ACIN1: variants seen among roughly 807,000 people sequenced by gnomAD.
ACIN1 encodes the protein apoptotic chromatin condensation inducer in the nucleus.
A neutral mutation model predicts 146.6 loss-of-function variants in ACIN1; 16 were observed. The observed-to-expected ratio is 0.11, with a 90% CI of 0.07 to 0.17. ACIN1 has a LOEUF of 0.17. ACIN1 is among the 10% of genes least tolerant of loss of function. The pLI, the probability that ACIN1 is intolerant of heterozygous loss-of-function variation, is 1.00. For missense variants in ACIN1, 1,357 were observed against 1,609.3 expected, an observed-to-expected ratio of 0.84 and a Z score of 2.68; for synonymous variants, 569 against 582.7, an observed-to-expected ratio of 0.98 and a Z score of 0.34.
In ACIN1 at chr14:23,093,506, G is replaced by A. The variant is rs1471346090; in HGVS notation, c.177C>T (p.Pro59=). The change falls in exon 2 of 19, where the codon CCC becomes CCT. Residue 59 remains proline, a synonymous_variant. Coordinates refer to ENST00000605057, the MANE Select transcript of ACIN1 (RefSeq NM_001386863.1). The stretch of plus-strand genomic sequence containing the variant: ...GGGAATTTGGCTGGAATGCAGCATG[G>A]GGTGTTGAGTGTTTCTGTAAATTTT... ...MLENLQKHST[P]HAAFQPNSQI... is the part of the protein sequence containing the mutation. 6.2e-7 allele frequency: 1 copy of A among 1,613,918 alleles called. No individual in the cohort carries two copies. Among genetic ancestry groups the A allele is most frequent in the Non-Finnish European group, 8.5e-7 (1 of 1,179,980 alleles).
chr14:23,071,577 T>C (rs1344164978), intron 8 of ACIN1: 2 of 1,543,120 alleles, frequency 1.3e-6, no homozygotes, highest in African/African-American at 1.4e-5. Flanking sequence ...CCCAGCAGCC[T>C]GTGTGTGCGG....
Position 23,080,171 on chromosome 14 carries a change from G to C in ACIN1, c.1164C>G (p.Pro388=), listed in dbSNP as rs1885098. Residue 388 remains proline (P), a synonymous_variant, in exon 6 of 19, where the codon CCC becomes CCG. Coordinates refer to ENST00000605057, the MANE Select transcript of ACIN1 (RefSeq NM_001386863.1). ...GAGGAGATAACTGAATGAGGACAGCGGGGGCTGGGCCTTCCATGGGCTCTA... is the reference window on the plus strand; with the variant it reads ...GAGGAGATAACTGAATGAGGACAGCCGGGGCTGGGCCTTCCATGGGCTCTA... The part of the protein sequence containing the change: ...EEIEPMEGPA[P]AVLIQLSPPN... The C allele has an allele frequency of 1.1e-4, 176 of 1,614,050 alleles. No homozygotes were observed. In the African/African-American group the frequency reaches 1.8e-3, roughly 16 times the overall value.
chr14:23,069,206 AT>A, intron 9 of ACIN1: 1 of 1,160,412 alleles, frequency 8.6e-7, no homozygotes, highest in Non-Finnish European at 1.1e-6. Flanking sequence ...ATAAAGGGCC[AT>A]TATCAGACTT....
intron 8 of ACIN1, among the ~76,000 whole-genome samples, chr14:23,072,998 T>A (rs2047703835): frequency 6.6e-6 from 1 of 152,232 alleles, no homozygotes; most frequent in Non-Finnish European, 1.5e-5. Context: ...CTTAAGAGTC[T>A]GGCTTGGAGG....
intron 4 of ACIN1, among the ~76,000 whole-genome samples, chr14:23,083,409 G>C (rs939908075): frequency 6.6e-6 from 1 of 152,154 alleles, no homozygotes; most frequent in South Asian, 2.1e-4. Context: ...GGCTGCACTA[G>C]ATGATTTCCA....
intron 1 of ACIN1, among the ~76,000 whole-genome samples, chr14:23,093,785 A>AT: frequency 6.6e-6 from 1 of 152,228 alleles, no homozygotes; most frequent in Non-Finnish European, 1.5e-5. Context: ...AGGCACACAG[A>AT]ATCAGTGACC....
In ACIN1 at chr14:23,062,171, A is replaced by C; in HGVS notation, c.3096T>G (p.Asp1032Glu). 6.2e-7 allele frequency: 1 copy of C among 1,613,612 alleles called. No individual in the cohort carries two copies. The highest frequency in any genetic ancestry group is 8.5e-7 in the Non-Finnish European group (1 of 1,179,792). The change falls in exon 16 of 19, where the codon GAT (aspartate) becomes GAG (glutamate). Residue 1032 changes from aspartate (D) to glutamate (E), a missense_variant. Physicochemically the swap from Asp to Glu is conservative, Grantham distance 45 (BLOSUM62 2). Around this residue, in one of 4 missense-constraint regions of ACIN1, gnomAD observed 509 missense variants for 719.6 expected, o/e 0.71. Coordinates refer to ENST00000605057, the MANE Select transcript of ACIN1 (RefSeq NM_001386863.1). ...TTCCTCTCCCTAGGTTTCTTACCTC[A>C]TCTTGCTCGGCATAGTCAGCACAAA... ...KFLCADYAEQ[D>E]ELDYHRGLLV...
In ACIN1 at chr14:23,063,933, G is replaced by T. The variant is rs114527130; in HGVS notation, c.2595+172C>A. Among the ~76,000 whole-genome samples the T allele has an allele frequency of 2.8e-3, 434 of 152,312 alleles. 3 individuals are homozygous for T. Among genetic ancestry groups the T allele is most frequent in the African/African-American group, 0.01 (419 of 41,560 alleles). ...GTTGTGTTCCAATCAAACTTTATTT[G>T]TAACAGGTAGCCAGCTGGATTTGGT... On this transcript the variant is annotated intron_variant, in intron 12 of 18. Coordinates refer to ENST00000605057, the MANE Select transcript of ACIN1 (RefSeq NM_001386863.1).
Position 23,068,043 on chromosome 14 carries a change from A to G in ACIN1, c.2265+1433T>C. On this transcript the variant is annotated intron_variant, in intron 9 of 18. Transcript: ENST00000605057. The surrounding 1 kb of genome is among the most constrained non-coding windows in gnomAD (Gnocchi z 4.3). ...TGGAGGAGAAGTTGGAGCAACCAAC[A>G]TGCTGCCCTTCACCATGGACAACAG... is the stretch of plus-strand genomic sequence containing the variant. The G allele has an allele frequency of 1.0e-6, 1 of 985,914 alleles. No homozygotes were observed. Among genetic ancestry groups the G allele is most frequent in the Non-Finnish European group, 1.2e-6 (1 of 829,948 alleles). The allele number at this position is 985,914 out of a possible 1,614,324, so 61.1% of individuals were successfully genotyped here.
At chr14:23,090,219 G>A (rs1248514961) in intron 3 of ACIN1, 118 bp from the exon 4 acceptor site, 2 of 1,380,798 alleles carry the variant, frequency 1.4e-6, no homozygotes, top group African/African-American at 2.9e-5. Flanking sequence ...ATACCAAAAA[G>A]AGCACCGTAT....
chr14:23,060,989 G>T, intron 18 of ACIN1, 95 bp downstream of exon 18: 1 of 1,181,052 alleles, frequency 8.5e-7, no homozygotes, highest in Non-Finnish European at 1.3e-6. Context: ...GGAAGTACTT[G>T]GGCCGACTCA....
chr14:23,067,750 C>T lies in ACIN1; in HGVS notation c.2265+1726G>A, dbSNP rs1166979959. The T allele has an allele frequency of 6.1e-6, 6 of 985,782 alleles. No individual in the cohort carries two copies. Among genetic ancestry groups the T allele is most frequent in the Non-Finnish European group, 7.2e-6 (6 of 830,002 alleles). 61.1% of individuals were successfully genotyped at this position (985,782 alleles called of 1,614,324 possible). A position where few individuals can be genotyped will look rare whatever the true frequency, so the allele number is the denominator to read the frequency against. Reference sequence around the variant, plus strand: ...CCAGTGGCAAGCTGCAGCAATAACACCACCCAATACTTGGAATCCAGGTGA... The same window carrying T: ...CCAGTGGCAAGCTGCAGCAATAACATCACCCAATACTTGGAATCCAGGTGA... On this transcript the variant is annotated intron_variant, in intron 9 of 18. Coordinates refer to ENST00000605057, the MANE Select transcript of ACIN1 (RefSeq NM_001386863.1). This position sits in a 1 kb window ranked among gnomAD's most constrained non-coding sequence, Gnocchi z 4.6.
chr14:23,073,764 T>G (rs925259333), intron 8 of ACIN1, among the ~76,000 whole-genome samples: 1 of 152,174 alleles, frequency 6.6e-6, no homozygotes, highest in Non-Finnish European at 1.5e-5. Context: ...TTATCCACTG[T>G]CCTAAAATAC....
At position 23,059,091 on chromosome 14, in the gene ACIN1, TG is replaced by T; in HGVS notation, c.*56del. On this transcript the variant is annotated 3_prime_UTR_variant, in exon 19 of 19. Coordinates refer to ENST00000605057, the MANE Select transcript of ACIN1 (RefSeq NM_001386863.1). ...GGTGGAGACTGTGCCTATCCCTCTG[TG>T]GCCATAACCCCCTGGGGCCGAGTGG... 1.3e-6 allele frequency: 2 copies of T among 1,546,154 alleles called. No individual in the cohort carries two copies. The highest frequency in any genetic ancestry group is 1.8e-6 in the Non-Finnish European group (2 of 1,129,850).
intron 4 of ACIN1, among the ~76,000 whole-genome samples, chr14:23,089,462 G>C (rs940794194): frequency 2.0e-5 from 3 of 152,156 alleles, no homozygotes; most frequent in African/African-American, 7.2e-5. Flanking sequence ...ATAATACTCT[G>C]CGTTGCCTTG....
In ACIN1 at chr14:23,058,925, T is replaced by C. The variant is rs2047178646; in HGVS notation, c.*223A>G. ...CTAACCTAGCTCTTGCCTCTCAGAC[T>C]TAATGGGAAATGAGAGGGAGGGTCG... On this transcript the variant is annotated 3_prime_UTR_variant, in exon 19 of 19. Coordinates refer to ENST00000605057, the MANE Select transcript of ACIN1 (RefSeq NM_001386863.1). The C allele has an allele frequency of 1.2e-5, 7 of 564,310 alleles. No individual in the cohort carries two copies. The South Asian group carries it at 1.7e-4, about 14-fold the overall frequency. 35.0% of individuals were successfully genotyped at this position (564,310 alleles called of 1,614,324 possible). A position where few individuals can be genotyped will look rare whatever the true frequency, so the allele number is the denominator to read the frequency against.
At chr14:23,074,289 G>A (rs2047743252) in intron 8 of ACIN1, among the ~76,000 whole-genome samples, 1 of 151,778 alleles carries the variant, frequency 6.6e-6, no homozygotes, top group Admixed American at 6.6e-5. Context: ...ATGAGGGCCG[G>A]GCATGGTGGC....
At chr14:23,064,545 A>G in intron 10 of ACIN1, 57 bp from the exon 11 acceptor site, 1 of 1,596,824 alleles carries the variant, frequency 6.3e-7, no homozygotes, top group South Asian at 1.1e-5. Flanking sequence ...TGCTAGTTCA[A>G]ACCGTAATAC....
intron 4 of ACIN1, among the ~76,000 whole-genome samples, chr14:23,085,387 A>G (rs2048065239): frequency 2.0e-5 from 3 of 152,176 alleles, no homozygotes; most frequent in Non-Finnish European, 2.9e-5. Flanking sequence ...ACTGAGTTGC[A>G]ATTTTAAAAT....
Sources: allele counts gnomAD v4.1 joint callset (sites outside exome capture counted in the v4.1 genomes callset), GRCh38; gene constraint gnomAD v4.1.1; regional missense constraint gnomAD v4.1.1; non-coding constraint Gnocchi (gnomAD v3.1); transcripts MANE v1.5; gene names NCBI Gene and HGNC (gene_info 2026-07-23, HGNC 2026-07-21).